The following EPB41L1 variants were observed in gnomAD, a reference collection of about 807,000 sequenced individuals.
EPB41L1 encodes erythrocyte membrane protein band 4.1 like 1.
A neutral mutation model predicts 97.8 loss-of-function variants in EPB41L1; 29 were observed. The observed-to-expected ratio is 0.30, with a 90% CI of 0.22 to 0.40. EPB41L1 has a LOEUF of 0.40. Ranked by LOEUF, EPB41L1 falls within the 10% of genes least tolerant of loss-of-function variation. The pLI is 1.00. For synonymous variants in EPB41L1, 383 were observed against 459.2 expected, an observed-to-expected ratio of 0.83 and a Z score of 2.12; for missense variants, 812 against 1,162.3, an observed-to-expected ratio of 0.70 and a Z score of 4.38.
intron 21 of EPB41L1, among the ~76,000 whole-genome samples, chr20:36,226,879 T>C (rs1452544777): frequency 6.6e-6 from 1 of 152,194 alleles, no homozygotes; most frequent in Admixed American, 6.5e-5. Context: ...GACAGCCACT[T>C]CATTAATTGA....
rs80020210 is a variant in EPB41L1, at chr20:36,105,476, G to A, written c.-64-6950G>A. 3.4e-3 allele frequency among the ~76,000 whole-genome samples: 524 copies of A among 152,234 alleles called. 7 individuals carry two copies. The East Asian group carries it at 0.044, about 13-fold the overall frequency. On this transcript the variant is annotated intron_variant, in intron 1 of 19. Transcript: ENST00000202028. ...TTCTCCATCAATCTGCCCATTGAGC[G>A]GGCCTGTTTTCTTCTACTTTACCCA...
chr20:36,209,796 G>A lies in EPB41L1; in HGVS notation c.1977G>A (p.Arg659=), dbSNP rs1304575612. The A allele has an allele frequency of 1.1e-5, 18 of 1,613,848 alleles. No individual in the cohort carries two copies. Among genetic ancestry groups the A allele is most frequent in the African/African-American group, 2.7e-5 (2 of 74,914 alleles). The change falls in exon 15 of 22, where the codon CGG becomes CGA. Residue 659 remains arginine, a synonymous_variant. Transcript: ENST00000338074. The surrounding 1 kb of genome is among the most constrained non-coding windows in gnomAD (Gnocchi z 4.2). The stretch of plus-strand genomic sequence containing the variant: ...ACACTGAGGGCCTGCTGTTCTCCCG[G>A]GATCTCAACAAGGGGGCCCCCAGCC... ...DSDTEGLLFS[R]DLNKGAPSQD...
At chr20:36,110,940 G>T (rs149801964) in intron 1 of EPB41L1, 1 of 152,254 alleles carries the variant, frequency 6.6e-6, no homozygotes, top group East Asian at 1.9e-4. Flanking sequence ...GACCCCAGCC[G>T]CAGTGTAGGG....
chr20:36,139,808 C>T (rs544723696), intron 2 of EPB41L1, among the ~76,000 whole-genome samples: 25 of 151,352 alleles, frequency 1.7e-4, no homozygotes, highest in Non-Finnish European at 3.1e-4. Context: ...CTGGGCTCAC[C>T]GCAACCTCTG....
chr20:36,223,723 A>C (rs2063927249), intron 21 of EPB41L1, among the ~76,000 whole-genome samples: 1 of 152,224 alleles, frequency 6.6e-6, no homozygotes, highest in Non-Finnish European at 1.5e-5. Context: ...TCTGGGATGC[A>C]GTATTCACAA....
intron 21 of EPB41L1, 152 bp from the exon 22 acceptor site, chr20:36,229,180 C>T (rs2147244645): frequency 4.5e-6 from 3 of 667,944 alleles, no homozygotes; most frequent in Non-Finnish European, 8.2e-6. Flanking sequence ...CTTGCTGAGT[C>T]ACAATAAAGG....
chr20:36,156,834 G>A (rs1243715959), intron 1 of EPB41L1, among the ~76,000 whole-genome samples: 1 of 152,202 alleles, frequency 6.6e-6, no homozygotes, highest in Non-Finnish European at 1.5e-5. Flanking sequence ...GGGGGCAACA[G>A]AGAGTTTTCT....
chr20:36,218,072 GGTA>G (rs2147002756), intron 17 of EPB41L1, among the ~76,000 whole-genome samples: 1 of 152,288 alleles, frequency 6.6e-6, no homozygotes, highest in East Asian at 1.9e-4. Flanking sequence ...TAGAATTTAA[GGTA>G]GGGCCAAGAG....
chr20:36,208,602 C>T (rs2062958771), intron 14 of EPB41L1, among the ~76,000 whole-genome samples: 1 of 152,258 alleles, frequency 6.6e-6, no homozygotes, highest in Non-Finnish European at 1.5e-5. Context: ...AAGTGAATGT[C>T]TAAGCCCACT....
At chr20:36,219,418 C>T (rs906334488) in intron 18 of EPB41L1, among the ~76,000 whole-genome samples, 4 of 152,180 alleles carry the variant, frequency 2.6e-5, no homozygotes, top group South Asian at 2.1e-4. Flanking sequence ...CCGCAGAGAG[C>T]GTGCACCTGG....
chr20:36,119,597 G>A (rs537658173), intron 2 of EPB41L1, among the ~76,000 whole-genome samples: 5 of 137,480 alleles, frequency 3.6e-5, no homozygotes, highest in South Asian at 2.5e-4. Context: ...ACTCCATCTC[G>A]AAAGAAAGCA....
rs370075930 is a variant in EPB41L1, at chr20:36,190,400, T to A, written c.1124+26T>A. ...GTGAGCCTGACCTTGGATGGGGTAA[T>A]GGGGATGGGGCAGAGGCCATGTGTA... On this transcript the variant is annotated intron_variant, in intron 10 of 21. Transcript: ENST00000338074. This position sits in a 1 kb window ranked among gnomAD's most constrained non-coding sequence, Gnocchi z 5.8. 1 of 1,606,780 alleles carries A rather than the reference T, an allele frequency of 6.2e-7. No individual in the cohort carries two copies. Among genetic ancestry groups the A allele is most frequent in the Non-Finnish European group, 8.5e-7 (1 of 1,174,326 alleles).
chr20:36,127,972 C>T (rs367890808), intron 2 of EPB41L1, among the ~76,000 whole-genome samples: 24 of 152,206 alleles, frequency 1.6e-4, no homozygotes, highest in African/African-American at 3.6e-4. Flanking sequence ...TCACCTGGAC[C>T]GAGCCCCAGG....
At chr20:36,115,349 C>T (rs960905339) in intron 2 of EPB41L1, among the ~76,000 whole-genome samples, 2 of 152,196 alleles carry the variant, frequency 1.3e-5, no homozygotes, top group African/African-American at 2.4e-5. Context: ...ACGGAGCTCA[C>T]GACTTACAGA....
At chr20:36,185,502 G>A (rs1482257065) in intron 7 of EPB41L1, among the ~76,000 whole-genome samples, 167 bp downstream of exon 7, 2 of 152,172 alleles carry the variant, frequency 1.3e-5, no homozygotes, top group African/African-American at 2.4e-5. Context: ...AAATAGGAAC[G>A]ATAGTGACTG....
intron 14 of EPB41L1, among the ~76,000 whole-genome samples, chr20:36,208,875 C>G (rs972493091): frequency 1.3e-5 from 2 of 152,190 alleles, no homozygotes; most frequent in African/African-American, 4.8e-5. Flanking sequence ...CAGGGTGGAG[C>G]TGGCGTAGCA....
intron 2 of EPB41L1, among the ~76,000 whole-genome samples, chr20:36,140,754 C>A (rs2059606316): frequency 6.6e-6 from 1 of 152,116 alleles, no homozygotes; most frequent in South Asian, 2.1e-4. Flanking sequence ...GAGGGCCATC[C>A]AGGCTGATTT....
chr20:36,193,381 A>G (rs2062046450), intron 11 of EPB41L1, among the ~76,000 whole-genome samples: 1 of 152,234 alleles, frequency 6.6e-6, no homozygotes, highest in South Asian at 2.1e-4. Flanking sequence ...CGTACTTTGC[A>G]AAGTGAGTGT....
At chr20:36,168,449 C>T (rs2060830167) in intron 1 of EPB41L1, among the ~76,000 whole-genome samples, 2 of 152,126 alleles carry the variant, frequency 1.3e-5, no homozygotes, top group South Asian at 4.2e-4. Flanking sequence ...TTCTCAGGCC[C>T]CTCCTCACTG....
Sources: gnomAD v4.1 joint callset for allele counts (sites outside exome capture counted in the v4.1 genomes callset) on GRCh38, gnomAD v4.1.1 for gene constraint, Gnocchi (gnomAD v3.1) non-coding constraint, MANE v1.5 for transcripts, NCBI Gene and HGNC (gene_info 2026-07-23, HGNC 2026-07-21) for gene names.